PPP2R2C: variants seen among roughly 807,000 people sequenced by gnomAD.
PPP2R2C encodes protein phosphatase 2, regulatory subunit B, gamma.
PPP2R2C carries 10 observed loss-of-function variants against 45.3 expected under a neutral mutation model. That is an observed-to-expected ratio of 0.22 (90% confidence interval 0.14 to 0.37). PPP2R2C has a LOEUF of 0.37. PPP2R2C is among the 10% of genes least tolerant of loss of function. The pLI, the probability that PPP2R2C is intolerant of heterozygous loss-of-function variation, is 1.00. For synonymous variants in PPP2R2C, 257 were observed against 245.4 expected (o/e 1.05, Z -0.44); for missense variants, 308 against 619.7 (o/e 0.50, Z 5.34).
intron 1 of PPP2R2C, among the ~76,000 whole-genome samples, chr4:6,441,573 G>A (rs544817282): frequency 3.3e-5 from 5 of 152,172 alleles, no homozygotes; most frequent in Admixed American, 2.0e-4. Context: ...CTTCCCTGGC[G>A]GATGGTTCCA....
At position 6,358,273 on chromosome 4, in the gene PPP2R2C, A is replaced by G. The variant is rs947287375; in HGVS notation, c.626-10263T>C. On this transcript the variant is annotated intron_variant, in intron 5 of 8. Transcript: ENST00000382599. ...TTTAATAAATGGTGCTGGGAAAACC[A>G]GCTAGCCATATGTAGAAAGCTGAAA... Among the ~76,000 whole-genome samples, 9 of 152,288 alleles carry G rather than the reference A, an allele frequency of 5.9e-5. No individual in the cohort carries two copies. The Middle Eastern group carries it at 0.01, about 173-fold the overall frequency.
Position 6,471,083 on chromosome 4 carries a change from G to A in PPP2R2C, c.70+1077C>T, listed in dbSNP as rs1027692723. ...CGCAGGAGCCCGGTCTCCGCCGCCT[G>A]GCCCACTCGGTCTCCCTGACACAGG... On this transcript the variant is annotated intron_variant, in intron 1 of 8. Coordinates refer to ENST00000382599, the MANE Select transcript of PPP2R2C (RefSeq NM_020416.4). The surrounding 1 kb of genome is among the most constrained non-coding windows in gnomAD (Gnocchi z 5.6). Among the ~76,000 whole-genome samples, 25 of 152,164 alleles carry A rather than the reference G, an allele frequency of 1.6e-4. No homozygotes were observed. The highest frequency in any genetic ancestry group is 6.0e-4 in the African/African-American group (25 of 41,444).
chr4:6,557,711 G>A (rs921412031), intron 1 of PPP2R2C, among the ~76,000 whole-genome samples: 3 of 152,204 alleles, frequency 2.0e-5, no homozygotes, highest in Non-Finnish European at 4.4e-5. Context: ...GGGGAGTCTG[G>A]ATTGGGAGGC....
At chr4:6,553,101 G>A (rs1336456652) in intron 1 of PPP2R2C, among the ~76,000 whole-genome samples, 1 of 152,242 alleles carries the variant, frequency 6.6e-6, no homozygotes, top group Non-Finnish European at 1.5e-5. Flanking sequence ...GCTGAAAGGT[G>A]CAGGGGAAGA....
chr4:6,490,018 G>A (rs1722648198), intron 2 of PPP2R2C, among the ~76,000 whole-genome samples: 1 of 152,172 alleles, frequency 6.6e-6, no homozygotes, highest in Non-Finnish European at 1.5e-5. Flanking sequence ...TGGCCCAGGA[G>A]GAAAATGACC....
chr4:6,517,314 T>C (rs572444257), intron 2 of PPP2R2C, among the ~76,000 whole-genome samples: 69 of 152,304 alleles, frequency 4.5e-4, no homozygotes, highest in African/African-American at 1.5e-3. Flanking sequence ...CAGCTCACCC[T>C]GGAGTCAGCC....
intron 1 of PPP2R2C, among the ~76,000 whole-genome samples, chr4:6,465,328 A>C (rs540121897): frequency 1.3e-5 from 2 of 152,104 alleles, no homozygotes; most frequent in African/African-American, 4.8e-5. Flanking sequence ...CATGGACCCA[A>C]TGGGTGAGAG....
At position 6,329,689 on chromosome 4, in the gene PPP2R2C, C is replaced by T. The variant is rs564826935; in HGVS notation, c.961-336G>A. 2.7e-3 allele frequency among the ~76,000 whole-genome samples: 404 copies of T among 151,300 alleles called. 1 individual carries two copies. The highest frequency in any genetic ancestry group is 4.6e-3 in the Non-Finnish European group (312 of 67,902). ...CCCTGCTCATCTTATCGGGGGCCCA[C>T]GACCAGGCACACGGCTGACCTCTGA... On this transcript the variant is annotated intron_variant, in intron 7 of 8. Transcript: ENST00000382599. The surrounding 1 kb of genome is among the most constrained non-coding windows in gnomAD (Gnocchi z 5.8).
At position 6,538,389 on chromosome 4, in the gene PPP2R2C, G is replaced by T. The variant is rs1421009119; in HGVS notation, c.-58-3012C>A. Among the ~76,000 whole-genome samples, 6 of 152,112 alleles carry T rather than the reference G, an allele frequency of 3.9e-5. No individual in the cohort carries two copies. In the East Asian group the frequency reaches 1.2e-3, roughly 29 times the overall value. ...TGCCAAGTTCCACCGACACACAGGT[G>T]CATTGAGCCAAGTTCATCGTCCCCA... On this transcript the variant is annotated intron_variant, in intron 1 of 9. Coordinates refer to the PPP2R2C transcript ENST00000506140.
intron 1 of PPP2R2C, among the ~76,000 whole-genome samples, chr4:6,450,799 G>A (rs1720698313): frequency 6.6e-6 from 1 of 152,162 alleles, no homozygotes; most frequent in South Asian, 2.1e-4. Context: ...CCTGGGTAGG[G>A]GGTGGGGTCT....
chr4:6,531,520 G>A (rs1278471120), intron 2 of PPP2R2C, among the ~76,000 whole-genome samples: 9 of 151,892 alleles, frequency 5.9e-5, no homozygotes, highest in Non-Finnish European at 1.0e-4. Flanking sequence ...GGAGCAAAGC[G>A]GGAATGAGCA....
Position 6,451,748 on chromosome 4 carries a change from G to A in PPP2R2C, c.70+20412C>T, listed in dbSNP as rs148370143. ...CATCTCCTTCCACCCTCCTCCTCCC[G>A]GCCTCAGTGCTCTGAGGGACCTGGT... On this transcript the variant is annotated intron_variant, in intron 1 of 8. Transcript: ENST00000382599. Among the ~76,000 whole-genome samples the A allele has an allele frequency of 1.4e-4, 22 of 152,206 alleles. No individual in the cohort carries two copies. The East Asian group carries it at 2.9e-3, about 20-fold the overall frequency.
At chr4:6,545,543 C>G (rs1252609874) in intron 1 of PPP2R2C, among the ~76,000 whole-genome samples, 1 of 152,190 alleles carries the variant, frequency 6.6e-6, no homozygotes, top group East Asian at 1.9e-4. Context: ...AACCAGACAC[C>G]AAGGAAGAGG....
intron 1 of PPP2R2C, among the ~76,000 whole-genome samples, chr4:6,449,015 G>A (rs950638143): frequency 2.0e-5 from 3 of 152,178 alleles, no homozygotes; most frequent in East Asian, 1.9e-4. Context: ...GGTGATGCTC[G>A]GCTCAGCGGC....
At chr4:6,410,160 T>TC (rs1374874565) in intron 1 of PPP2R2C, among the ~76,000 whole-genome samples, 1 of 152,042 alleles carries the variant, frequency 6.6e-6, no homozygotes, top group Admixed American at 6.5e-5. Flanking sequence ...GTGTGAGCCC[T>TC]CCCCACAGCC....
intron 1 of PPP2R2C, among the ~76,000 whole-genome samples, chr4:6,433,279 G>A (rs950331780): frequency 1.3e-5 from 2 of 152,170 alleles, no homozygotes; most frequent in African/African-American, 2.4e-5. Flanking sequence ...TATTTACCTA[G>A]AAGGGGAACA....
rs549832757 is a variant in PPP2R2C at position 6,327,818 on chromosome 4, G to A, written c.1052+1444C>T. 3.5e-3 allele frequency among the ~76,000 whole-genome samples: 536 copies of A among 152,240 alleles called. 3 individuals carry two copies. Among genetic ancestry groups the A allele is most frequent in the Admixed American group, 7.1e-3 (109 of 15,302 alleles). Reference sequence around the variant, plus strand: ...CCATGCCAGCCCCTTGCCTGAGCTCGGGCTCTGCTGAGAGACCCCTGCGGG... The same window carrying A: ...CCATGCCAGCCCCTTGCCTGAGCTCAGGCTCTGCTGAGAGACCCCTGCGGG... On this transcript the variant is annotated intron_variant, in intron 8 of 8. Transcript: ENST00000382599.
chr4:6,372,822 C>G, intron 4 of PPP2R2C, 122 bp from the exon 5 acceptor site: 2 of 1,002,498 alleles, frequency 2.0e-6, no homozygotes, highest in African/African-American at 3.2e-5. Context: ...CCATCCTGAT[C>G]CTCCGTGGTC....
At chr4:6,491,386 G>A (rs937096277) in intron 2 of PPP2R2C, among the ~76,000 whole-genome samples, 3 of 152,204 alleles carry the variant, frequency 2.0e-5, no homozygotes, top group Admixed American at 6.5e-5. Context: ...GCCAAGCCAG[G>A]GGGCCATGTA....
Sources: gnomAD v4.1 joint callset for allele counts (sites outside exome capture counted in the v4.1 genomes callset) on GRCh38, gnomAD v4.1.1 for gene constraint, Gnocchi (gnomAD v3.1) non-coding constraint, MANE v1.5 for transcripts, NCBI Gene and HGNC (gene_info 2026-07-23, HGNC 2026-07-21) for gene names.